ADSS2: variants seen among roughly 807,000 people sequenced by gnomAD.
The protein encoded by ADSS2 is adenylosuccinate synthase 2, also known as adenylosuccinate synthetase isozyme 2.
A neutral mutation model predicts 60.0 loss-of-function variants in ADSS2; 30 were observed. That is an observed-to-expected ratio of 0.50 (90% CI 0.37 to 0.68). The LOEUF is 0.68. Among genes scored for constraint, ADSS2 ranks in the 30% least tolerant of loss-of-function variants. The pLI is 0.00. For synonymous variants in ADSS2, 187 were observed against 193.1 expected (o/e 0.97, Z 0.26); for missense variants, 373 against 554.8 (o/e 0.67, Z 3.29).
chr1:244,444,040 A>G (rs1665319079), intron 1 of ADSS2, among the ~76,000 whole-genome samples: 1 of 152,220 alleles, frequency 6.6e-6, no homozygotes, highest in Non-Finnish European at 1.5e-5. Flanking sequence ...GGTTTCTTTG[A>G]GGAAAAGCAT....
At chr1:244,428,306 T>C (rs1002556159) in intron 4 of ADSS2, among the ~76,000 whole-genome samples, 1 of 152,096 alleles carries the variant, frequency 6.6e-6, no homozygotes, top group Non-Finnish European at 1.5e-5. Flanking sequence ...AGAGAAATCA[T>C]GAAAATCTTC....
intron 1 of ADSS2, among the ~76,000 whole-genome samples, chr1:244,443,860 G>C (rs753198399): frequency 6.6e-6 from 1 of 152,128 alleles, no homozygotes; most frequent in African/African-American, 2.4e-5. Context: ...CTCCAGCCAC[G>C]TGCTGACACC....
At chr1:244,432,112 T>C (rs577564111) in intron 4 of ADSS2, among the ~76,000 whole-genome samples, 5 of 152,356 alleles carry the variant, frequency 3.3e-5, no homozygotes, top group African/African-American at 9.6e-5. Flanking sequence ...TTATTGGTAG[T>C]GGTTGAAATT....
rs539923529 is a variant in ADSS2, at chr1:244,412,482, T to C, written c.1169-1046A>G. ...CAATGAGGACTGCCACTGGGGTACA[T>C]AGAGTATGGATAGCCTCTATCTGAG... On this transcript the variant is annotated intron_variant, in intron 11 of 12. Transcript: ENST00000366535. Among the ~76,000 whole-genome samples the C allele has an allele frequency of 1.8e-4, 28 of 152,218 alleles. No individual in the cohort carries two copies. The East Asian group carries it at 1.9e-3, about 10-fold the overall frequency.
intron 1 of ADSS2, among the ~76,000 whole-genome samples, chr1:244,445,266 C>CA (rs1459099612): frequency 1.3e-5 from 2 of 151,806 alleles, no homozygotes; most frequent in East Asian, 1.9e-4. Context: ...AAATGATTCA[C>CA]AAAAAAAACT....
intron 8 of ADSS2, 139 bp downstream of exon 8, chr1:244,420,031 G>C (rs547998731): frequency 3.3e-4 from 275 of 839,660 alleles, no homozygotes; most frequent in Non-Finnish European, 4.2e-4. Context: ...AGTGCCACAA[G>C]ATGACAAATT....
At chr1:244,410,461 T>C (rs1192185573) in intron 12 of ADSS2, among the ~76,000 whole-genome samples, 1 of 152,138 alleles carries the variant, frequency 6.6e-6, no homozygotes, top group East Asian at 1.9e-4. Context: ...CTCGCCATCT[T>C]ATATTTGTTC....
In ADSS2 at chr1:244,422,895, T is replaced by C. The variant is rs1275798079; in HGVS notation, c.603A>G (p.Gln201=). Residue 201 remains glutamine, a synonymous_variant, in exon 7 of 13, where the codon CAA becomes CAG. Coordinates refer to ENST00000366535, the MANE Select transcript of ADSS2 (RefSeq NM_001126.5). The part of the protein sequence containing the change: ...FSERFKVLAN[Q]YKSIYPTLEI... ...CCAAAGTGGGGTATATAGATTTGTA[T>C]TGGTTAGCTAGAACTTTAAACCTGA... 13 of 1,593,190 alleles carry C rather than the reference T, an allele frequency of 8.2e-6. No homozygotes were observed. Among genetic ancestry groups the C allele is most frequent in the South Asian group, 4.4e-5 (4 of 90,232 alleles).
At chr1:244,425,855 A>G (rs551575429) in intron 4 of ADSS2, among the ~76,000 whole-genome samples, 1 of 152,148 alleles carries the variant, frequency 6.6e-6, no homozygotes, top group African/African-American at 2.4e-5. Flanking sequence ...CTTTAAAGCC[A>G]TATCAGTATA....
chr1:244,420,962 G>A (rs1238858312), intron 7 of ADSS2, among the ~76,000 whole-genome samples: 1 of 152,158 alleles, frequency 6.6e-6, no homozygotes, highest in Admixed American at 6.5e-5. Context: ...CTGAATTACA[G>A]GTGTAAGCCA....
chr1:244,425,338 A>G (rs1451541450), intron 4 of ADSS2, among the ~76,000 whole-genome samples: 2 of 152,236 alleles, frequency 1.3e-5, no homozygotes, highest in Admixed American at 6.5e-5. Flanking sequence ...TTTAAGATGT[A>G]CAATTTACTG....
chr1:244,420,058 T>A, intron 8 of ADSS2, 112 bp downstream of exon 8: 3 of 1,152,930 alleles, frequency 2.6e-6, no homozygotes, highest in East Asian at 4.8e-5. Flanking sequence ...TTCCTGAATA[T>A]ACAAGCTAAA....
At chr1:244,413,780 C>G (rs943931880) in intron 11 of ADSS2, among the ~76,000 whole-genome samples, 1 of 152,098 alleles carries the variant, frequency 6.6e-6, no homozygotes, top group Non-Finnish European at 1.5e-5. Flanking sequence ...GTCAGTAGTG[C>G]TGCTGAAAAG....
At chr1:244,442,553 CT>C (rs1286682552) in intron 1 of ADSS2, among the ~76,000 whole-genome samples, 2 of 151,978 alleles carry the variant, frequency 1.3e-5, no homozygotes, top group African/African-American at 4.8e-5. Flanking sequence ...CGAGATTATC[CT>C]ACGTGGGATT....
At chr1:244,437,643 T>C (rs1247244307) in intron 2 of ADSS2, 23 bp downstream of exon 2, 9 of 1,472,360 alleles carry the variant, frequency 6.1e-6, no homozygotes, top group African/African-American at 5.6e-5. Context: ...GGAATCTCCA[T>C]GCAGTTCAGT....
intron 7 of ADSS2, among the ~76,000 whole-genome samples, chr1:244,420,640 CTTTTAAATTTTGTGAGGTA>C (rs1362995287): frequency 6.6e-6 from 1 of 152,144 alleles, no homozygotes; most frequent in African/African-American, 2.4e-5. Flanking sequence ...TTACAATGTG[CTTTTAAATTTTGTGAGGTA>C]TTTGAAAAGC....
At position 244,420,248 on chromosome 1, in the gene ADSS2, G is replaced by C; in HGVS notation, c.712C>G (p.Leu238Val). The C allele has an allele frequency of 6.2e-7, 1 of 1,613,436 alleles. No individual in the cohort carries two copies. The highest frequency in any genetic ancestry group is 8.5e-7 in the Non-Finnish European group (1 of 1,179,670). The change falls in exon 8 of 13, where the codon CTA (leucine) becomes GTA (valine). Residue 238 changes from leucine (L) to valine (V), a missense_variant. This residue lies in a region of ADSS2 where 139 missense variants were observed against 189.4 expected (regional missense o/e 0.73). Coordinates refer to ENST00000366535, the MANE Select transcript of ADSS2 (RefSeq NM_001126.5). ...GGTGGTCCATGTAGGGCCTCATATA[G>C]AAAATAAACTCCATCTCTCACCATT... ...KPMVRDGVYF[L>V]YEALHGPPKK...
At chr1:244,437,911 A>T in intron 1 of ADSS2, 143 bp from the exon 2 acceptor site, 1 of 657,600 alleles carries the variant, frequency 1.5e-6, no homozygotes. Context: ...CATTTGTAAA[A>T]GGCTTTAAAA....
chr1:244,431,044 G>A lies in ADSS2; in HGVS notation c.406+1501C>T, dbSNP rs185630870. On this transcript the variant is annotated intron_variant, in intron 4 of 12. Coordinates refer to ENST00000366535, the MANE Select transcript of ADSS2 (RefSeq NM_001126.5). ...TGAGGCAGAAGAATCACTTGAACCC[G>A]GGAGGCAGAGGTTGCAGTGAGCTGA... Among the ~76,000 whole-genome samples the A allele has an allele frequency of 4.6e-3, 700 of 152,078 alleles. 7 individuals carry two copies. Among genetic ancestry groups the A allele is most frequent in the African/African-American group, 0.015 (633 of 41,472 alleles).
Sources: allele counts gnomAD v4.1 joint callset (sites outside exome capture counted in the v4.1 genomes callset), GRCh38; gene constraint gnomAD v4.1.1; regional missense constraint gnomAD v4.1.1; transcripts MANE v1.5; gene names NCBI Gene and HGNC (gene_info 2026-07-23, HGNC 2026-07-21).